UGT2B4: variants seen among roughly 807,000 people sequenced by gnomAD.
UGT2B4 encodes UDP glucuronosyltransferase family 2 member B4, also known as UDP-glucuronosyltransferase 2B4.
In UGT2B4, 49 loss-of-function variants were observed where a neutral mutation model predicts 49.8. That is an observed-to-expected ratio of 0.98 (90% CI 0.78 to 1.25). UGT2B4 has a LOEUF of 1.25. Ranked by LOEUF, UGT2B4 falls within the 50% of genes most tolerant of loss-of-function variation. The pLI is 0.00. For missense variants in UGT2B4, 729 were observed against 627.7 expected (o/e 1.16, Z -1.73); for synonymous variants, 246 against 217.7 (o/e 1.13, Z -1.14).
intron 1 of UGT2B4, among the ~76,000 whole-genome samples, chr4:69,512,077 C>A (rs1353458908): frequency 1.3e-5 from 2 of 148,682 alleles, no homozygotes; most frequent in Non-Finnish European, 3.0e-5. Flanking sequence ...TTTATCTTTT[C>A]AAAAAAAAAC....
intron 3 of UGT2B4, among the ~76,000 whole-genome samples, chr4:69,488,699 C>T (rs888724341): frequency 4.6e-5 from 7 of 151,932 alleles, no homozygotes; most frequent in Admixed American, 2.6e-4. Context: ...CATAGTGCAG[C>T]GTCCTTGTGG....
At chr4:69,486,071 C>T (rs1195712818) in intron 4 of UGT2B4, among the ~76,000 whole-genome samples, 1 of 152,132 alleles carries the variant, frequency 6.6e-6, no homozygotes, top group Middle Eastern at 3.4e-3. Flanking sequence ...AGAATGTGTT[C>T]TCTTAAGTAC....
chr4:69,495,050 C>T, intron 1 of UGT2B4, 91 bp downstream of exon 1: 1 of 1,190,304 alleles, frequency 8.4e-7, no homozygotes, highest in Non-Finnish European at 1.1e-6. Flanking sequence ...AAAAATACCC[C>T]ACTACCCTGA....
chr4:69,493,701 G>GGGGTTTGGC lies in UGT2B4; in HGVS notation c.853_861dup (p.Ala285_Pro287dup). ...AAACAGTAATAGTTTACCTTCGGTA[G>GGGGTTTGGC]GGGTTTGGCAGGTTTGCAGTGGAGT... is the stretch of plus-strand genomic sequence containing the variant. On this transcript the variant is annotated inframe_insertion, in exon 2 of 6. Transcript: ENST00000305107. 1 of 1,605,612 alleles carries GGGGTTTGGC rather than the reference G, an allele frequency of 6.2e-7. No homozygotes were observed. Among genetic ancestry groups the GGGGTTTGGC allele is most frequent in the Non-Finnish European group, 8.5e-7 (1 of 1,177,362 alleles).
At chr4:69,514,462 C>T (rs1728681345) in intron 1 of UGT2B4, among the ~76,000 whole-genome samples, 1 of 152,096 alleles carries the variant, frequency 6.6e-6, no homozygotes, top group African/African-American at 2.4e-5. Context: ...TCTTTCTATT[C>T]CCTGATTGTC....
intron 1 of UGT2B4, among the ~76,000 whole-genome samples, chr4:69,506,051 A>C (rs185444539): frequency 1.9e-4 from 29 of 152,280 alleles, no homozygotes; most frequent in African/African-American, 6.7e-4. Flanking sequence ...CAACATGCCA[A>C]AATCTCTAGG....
chr4:69,516,486 C>T (rs1389672383), intron 1 of UGT2B4, among the ~76,000 whole-genome samples: 1 of 152,174 alleles, frequency 6.6e-6, no homozygotes. Flanking sequence ...GCACCCTTGC[C>T]AGCAACTGTT....
chr4:69,511,793 T>TTC (rs1176700660), intron 1 of UGT2B4, among the ~76,000 whole-genome samples: 1 of 152,138 alleles, frequency 6.6e-6, no homozygotes, highest in African/African-American at 2.4e-5. Context: ...TGGTGCTGGC[T>TTC]TTTCTTTGTT....
chr4:69,486,320 GA>G (rs1727779602), intron 4 of UGT2B4, among the ~76,000 whole-genome samples: 1 of 152,114 alleles, frequency 6.6e-6, no homozygotes, highest in South Asian at 2.1e-4. Flanking sequence ...TAAAGTTGTA[GA>G]AATATGAGAA....
chr4:69,495,349 G>A lies in UGT2B4; in HGVS notation c.513C>T (p.Ser171=). The change falls in exon 1 of 6, where the codon AGC becomes AGT. Residue 171 remains serine (S), a synonymous_variant. Transcript: ENST00000305107. ...AELLKIPFVY[S]LRFSPGYAIE... is the part of the protein sequence containing the mutation. The stretch of plus-strand genomic sequence containing the variant: ...TTGCGTAGCCAGGAGAGAAGCGGAG[G>A]CTGTAGACAAAGGGTATTTTAAGTA... 2 of 1,613,708 alleles carry A rather than the reference G, an allele frequency of 1.2e-6. No homozygotes were observed. Among genetic ancestry groups the A allele is most frequent in the Non-Finnish European group, 1.7e-6 (2 of 1,179,906 alleles).
intron 1 of UGT2B4, among the ~76,000 whole-genome samples, chr4:69,501,390 A>C (rs138104105): frequency 6.6e-6 from 1 of 151,870 alleles, no homozygotes; most frequent in African/African-American, 2.4e-5. Context: ...CACCCCAATC[A>C]GTGTTCTCCC....
At chr4:69,485,570 G>C (rs4554145) in intron 4 of UGT2B4, 143 bp from the exon 5 acceptor site, 238,471 of 1,122,158 alleles carry the variant, frequency 0.21, 28,561 homozygotes, top group Admixed American at 0.25. Flanking sequence ...AGGAAGGAAC[G>C]CCTACTTCTG....
At position 69,495,122 on chromosome 4, in the gene UGT2B4, A is replaced by C; in HGVS notation, c.721+19T>G. 6.6e-7 allele frequency: 1 copy of C among 1,507,944 alleles called. No homozygotes were observed. Among genetic ancestry groups the C allele is most frequent in the Non-Finnish European group, 8.8e-7 (1 of 1,132,408 alleles). 93.4% of individuals were successfully genotyped at this position (1,507,944 alleles called of 1,614,324 possible). On this transcript the variant is annotated intron_variant, in intron 1 of 5. Transcript: ENST00000305107. ...AAGAAAGTTAGATCTTCATGTTACC[A>C]ATCAAAAAAGTTACTTACCTAGAAC...
intron 1 of UGT2B4, among the ~76,000 whole-genome samples, chr4:69,510,337 G>T (rs1728574975): frequency 6.6e-6 from 1 of 152,098 alleles, no homozygotes; most frequent in South Asian, 2.1e-4. Context: ...GCTCCTTCAT[G>T]AGTCTTTAAT....
At chr4:69,481,811 T>C (rs1727600185) in intron 5 of UGT2B4, among the ~76,000 whole-genome samples, 2 of 152,210 alleles carry the variant, frequency 1.3e-5, no homozygotes, top group Admixed American at 1.3e-4. Flanking sequence ...TTGTGTCATG[T>C]GGGTGAAATG....
intron 1 of UGT2B4, among the ~76,000 whole-genome samples, chr4:69,505,839 A>C (rs1728454865): frequency 6.6e-6 from 1 of 152,184 alleles, no homozygotes; most frequent in African/African-American, 2.4e-5. Context: ...GAAAACACGA[A>C]AGAATTGAAA....
chr4:69,524,730 T>C (rs1437694097), intron 1 of UGT2B4, among the ~76,000 whole-genome samples: 2 of 151,332 alleles, frequency 1.3e-5, no homozygotes, highest in Admixed American at 1.3e-4. Context: ...CTGCAAAGCA[T>C]GATAAAACAA....
chr4:69,506,907 A>G lies in UGT2B4; in HGVS notation c.-105-10941T>C, dbSNP rs148845470. ...AAGTAGGCATTATCCCCAGGATGCA[A>G]GGTTGACTCAGCCTACGGAAATAAA... On this transcript the variant is annotated intron_variant, in intron 1 of 1. Coordinates refer to the UGT2B4 transcript ENST00000510114. 2.8e-3 allele frequency among the ~76,000 whole-genome samples: 421 copies of G among 152,318 alleles called. 4 individuals carry two copies. The highest frequency in any genetic ancestry group is 9.2e-3 in the African/African-American group (384 of 41,576).
At chr4:69,503,487 G>A (rs572221367) in intron 1 of UGT2B4, among the ~76,000 whole-genome samples, 43 of 152,270 alleles carry the variant, frequency 2.8e-4, no homozygotes, top group Non-Finnish European at 5.3e-4. Context: ...ACACAGGAGT[G>A]CAGTACACCC....
Sources: gnomAD v4.1 joint callset for allele counts (sites outside exome capture counted in the v4.1 genomes callset) on GRCh38, gnomAD v4.1.1 for gene constraint, MANE v1.5 for transcripts, NCBI Gene and HGNC (gene_info 2026-07-23, HGNC 2026-07-21) for gene names.